Variants in TOPBP1 observed in about 807,000 individuals in gnomAD.
TOPBP1 encodes DNA topoisomerase II binding protein 1.
In TOPBP1, 28 loss-of-function variants were observed where a neutral mutation model predicts 167.7. The observed-to-expected ratio is 0.17, with a 90% CI of 0.12 to 0.23. The LOEUF is 0.23. Ranked by LOEUF, TOPBP1 falls within the 10% of genes least tolerant of loss-of-function variation. TOPBP1 has a pLI of 1.00. For synonymous variants in TOPBP1, 598 were observed against 611.4 expected (o/e 0.98, Z 0.32); for missense variants, 1,554 against 1,809.6 (o/e 0.86, Z 2.56).
At position 133,655,390 on chromosome 3, in the gene TOPBP1, G is replaced by A. The variant is rs1936446592; in HGVS notation, c.642C>T (p.Asp214=). 1 of 1,606,882 alleles carries A rather than the reference G, an allele frequency of 6.2e-7. No individual in the cohort carries two copies. Among genetic ancestry groups the A allele is most frequent in the African/African-American group, 1.3e-5 (1 of 74,506 alleles). The part of the protein sequence containing the change: ...IICVTGLCGL[D]RKEVQQLTVK... ...CTGTGAGTTGCTGAACTTCTTTCCT[G>A]TCTAAGCCACATAAGCCAGTCACAC... The change falls in exon 6 of 28, where the codon GAC becomes GAT. Residue 214 remains aspartate, a synonymous_variant. Transcript: ENST00000260810.
chr3:133,637,962 G>C lies in TOPBP1; in HGVS notation c.2434C>G (p.Leu812Val). Residue 812 changes from leucine to valine, a missense_variant, in exon 14 of 28, where the codon CTT becomes GTT. Coordinates refer to ENST00000260810, the MANE Select transcript of TOPBP1 (RefSeq NM_007027.4). ...AGGTGTAACGAGGGCTCCTTCTGAAGTGGTTGTCCTACTGCTGGGGAGGCT... is the reference window on the plus strand; with the variant it reads ...AGGTGTAACGAGGGCTCCTTCTGAACTGGTTGTCCTACTGCTGGGGAGGCT... ...VAASPAVGQPLQKEPSLHLDT... is the reference protein window; with the variant it reads ...VAASPAVGQPVQKEPSLHLDT... 1 of 1,614,002 alleles carries C rather than the reference G, an allele frequency of 6.2e-7. No individual in the cohort carries two copies. Among genetic ancestry groups the C allele is most frequent in the South Asian group, 1.1e-5 (1 of 91,090 alleles).
At chr3:133,611,250 TTTAA>T (rs1157017352) in intron 24 of TOPBP1, 109 bp from the exon 25 acceptor site, 1 of 968,048 alleles carries the variant, frequency 1.0e-6, no homozygotes, top group Non-Finnish European at 1.4e-6. Context: ...AAGCTATACA[TTTAA>T]TTGTTACAAA....
chr3:133,606,891 A>C (rs963394025), intron 27 of TOPBP1, among the ~76,000 whole-genome samples: 1 of 152,134 alleles, frequency 6.6e-6, no homozygotes, highest in Non-Finnish European at 1.5e-5. Flanking sequence ...ATAAAAGCTA[A>C]AACAATAACT....
chr3:133,629,181 G>A (rs1355102538), intron 14 of TOPBP1, among the ~76,000 whole-genome samples: 1 of 151,984 alleles, frequency 6.6e-6, no homozygotes, highest in African/African-American at 2.4e-5. Flanking sequence ...ATCTTCAAAA[G>A]TTCAAAATAT....
chr3:133,602,161 C>T (rs987621145), intron 27 of TOPBP1, among the ~76,000 whole-genome samples: 2 of 152,070 alleles, frequency 1.3e-5, no homozygotes, highest in African/African-American at 4.8e-5. Context: ...TGGCTGGTCT[C>T]AAAAATGACA....
chr3:133,612,303 G>T, intron 24 of TOPBP1, 86 bp downstream of exon 24: 1 of 1,522,670 alleles, frequency 6.6e-7, no homozygotes. Context: ...GCCTCCCAAA[G>T]TGCTAGGATA....
At chr3:133,623,228 A>C (rs1935154632) in intron 18 of TOPBP1, 35 bp from the exon 19 acceptor site, 1 of 1,610,650 alleles carries the variant, frequency 6.2e-7, no homozygotes, top group South Asian at 1.1e-5. Context: ...TTCTCAAACC[A>C]AGCCACTGTA....
chr3:133,617,106 A>G (rs1934918189), intron 22 of TOPBP1, 54 bp downstream of exon 22: 9 of 1,528,294 alleles, frequency 5.9e-6, no homozygotes, highest in Non-Finnish European at 7.9e-6. Context: ...AATTTCTAAT[A>G]CAGCCTAACA....
rs1165676001 is a variant in TOPBP1 at position 133,644,236 on chromosome 3, A to G, written c.1632T>C (p.Val544=). 6.2e-7 allele frequency: 1 copy of G among 1,613,924 alleles called. No homozygotes were observed. Among genetic ancestry groups the G allele is most frequent in the East Asian group, 2.2e-5 (1 of 44,882 alleles). ...QSSVSHCVPD[V]STITEEGLFS... is the part of the protein sequence containing the mutation. ...ATAAGCCTTCTTCAGTAATTGTAGAAACATCAGGGACACAATGACTGACAG... is the reference window on the plus strand; with the variant it reads ...ATAAGCCTTCTTCAGTAATTGTAGAGACATCAGGGACACAATGACTGACAG... Residue 544 remains valine (V), a synonymous_variant, in exon 11 of 28, where the codon GTT becomes GTC. Coordinates refer to ENST00000260810, the MANE Select transcript of TOPBP1 (RefSeq NM_007027.4).
chr3:133,643,370 A>T lies in TOPBP1; in HGVS notation c.1851T>A (p.Val617=). ...ACAAAGTCTGATAGTCTATGCAAGT[A>T]ACCTTTTAAAAACAAAAGAAATAGT... ...VGEVVTNTWL[V]TCIDYQTLFD... The change falls in exon 12 of 28, where the codon GTT becomes GTA. Residue 617 remains valine (V), a splice_region_variant and synonymous_variant. Transcript: ENST00000260810. 6.4e-7 allele frequency: 1 copy of T among 1,569,408 alleles called. No individual in the cohort carries two copies. The highest frequency in any genetic ancestry group is 8.6e-7 in the Non-Finnish European group (1 of 1,163,404).
Position 133,644,351 on chromosome 3 carries a change from G to A in TOPBP1, c.1517C>T (p.Thr506Met), listed in dbSNP as rs200974032. 2.8e-5 allele frequency: 44 copies of A among 1,565,840 alleles called. No homozygotes were observed. In the African/African-American group the frequency reaches 2.9e-4, roughly 10 times the overall value. The change falls in exon 11 of 28, where the codon ACG becomes ATG. Residue 506 changes from threonine (T) to methionine (M), a missense_variant. Around this residue, in one of 3 missense-constraint regions of TOPBP1, gnomAD observed 1,197 missense variants for 1,351.5 expected, o/e 0.89. Coordinates refer to ENST00000260810, the MANE Select transcript of TOPBP1 (RefSeq NM_007027.4). ...ATCATTAAAGGGCCTGGCTTCAGAC[G>A]TCTTAGCCTCAACTGAAAGAGAAAA... ...NGSSTVVEAK[T>M]SEARPFNDST...
At chr3:133,658,739 A>C (rs1389260493) in intron 3 of TOPBP1, among the ~76,000 whole-genome samples, 1 of 152,118 alleles carries the variant, frequency 6.6e-6, no homozygotes, top group Non-Finnish European at 1.5e-5. Flanking sequence ...CCAAGGAAGC[A>C]GAAGTTGCAG....
At chr3:133,632,799 G>T (rs1935531668) in intron 14 of TOPBP1, among the ~76,000 whole-genome samples, 1 of 152,004 alleles carries the variant, frequency 6.6e-6, no homozygotes. Flanking sequence ...TTGAGACAGG[G>T]TCTCAGTTTG....
At chr3:133,604,773 G>T (rs1307009510) in intron 27 of TOPBP1, among the ~76,000 whole-genome samples, 1 of 151,808 alleles carries the variant, frequency 6.6e-6, no homozygotes, top group African/African-American at 2.4e-5. Flanking sequence ...ACAAAAATTA[G>T]CCAGGTGTGT....
At chr3:133,645,145 AAC>A (rs1290938306) in intron 10 of TOPBP1, among the ~76,000 whole-genome samples, 2 of 152,178 alleles carry the variant, frequency 1.3e-5, no homozygotes, top group Non-Finnish European at 2.9e-5. Context: ...CCTCATCTCC[AAC>A]AGACACTAGC....
At chr3:133,620,080 T>C (rs1201808624) in intron 20 of TOPBP1, 75 bp downstream of exon 20, 5 of 1,431,626 alleles carry the variant, frequency 3.5e-6, no homozygotes, top group South Asian at 2.9e-5. Flanking sequence ...GCTCATGGAA[T>C]TGAGTCAGCA....
chr3:133,651,894 G>A (rs1936320211), intron 8 of TOPBP1, among the ~76,000 whole-genome samples: 1 of 152,178 alleles, frequency 6.6e-6, no homozygotes, highest in East Asian at 1.9e-4. Context: ...GATTAGCACA[G>A]TGTCTAATAC....
intron 5 of TOPBP1, among the ~76,000 whole-genome samples, chr3:133,655,758 A>G (rs1463498182): frequency 6.6e-6 from 1 of 152,218 alleles, no homozygotes; most frequent in Non-Finnish European, 1.5e-5. Context: ...TGGTCATAGT[A>G]TATTTTCCAA....
intron 8 of TOPBP1, among the ~76,000 whole-genome samples, chr3:133,651,072 G>A (rs1936277996): frequency 6.6e-6 from 1 of 151,042 alleles, no homozygotes; most frequent in Admixed American, 6.6e-5. Context: ...ACTCCAGCCT[G>A]GGCGACAGAG....
Sources: allele counts gnomAD v4.1 joint callset (sites outside exome capture counted in the v4.1 genomes callset), GRCh38; gene constraint gnomAD v4.1.1; regional missense constraint gnomAD v4.1.1; transcripts MANE v1.5; gene names NCBI Gene and HGNC (gene_info 2026-07-23, HGNC 2026-07-21).